SRGAP1: variants seen among roughly 807,000 people sequenced by gnomAD.
SRGAP1 encodes SLIT-ROBO Rho GTPase activating protein 1, also known as SLIT-ROBO Rho GTPase-activating protein 1.
SRGAP1 carries 43 observed loss-of-function variants against 121.9 expected under a neutral mutation model. The observed-to-expected ratio is 0.35, with a 90% confidence interval of 0.28 to 0.46. The LOEUF is 0.46. Among genes scored for constraint, SRGAP1 ranks in the 20% least tolerant of loss-of-function variants. The pLI, the probability that SRGAP1 is intolerant of heterozygous loss-of-function variation, is 1.00. For missense variants in SRGAP1, 1,102 were observed against 1,350.9 expected (o/e 0.82, Z 2.89); for synonymous variants, 447 against 485.4 (o/e 0.92, Z 1.04).
chr12:64,141,507 G>C (rs997599979), intron 21 of SRGAP1, among the ~76,000 whole-genome samples: 2 of 152,082 alleles, frequency 1.3e-5, no homozygotes, highest in Non-Finnish European at 2.9e-5. Flanking sequence ...TTGAACCCGG[G>C]AGGCAGAGGT....
At chr12:63,910,836 A>AAG (rs1331962606) in intron 1 of SRGAP1, among the ~76,000 whole-genome samples, 1 of 152,172 alleles carries the variant, frequency 6.6e-6, no homozygotes, top group Admixed American at 6.5e-5. Flanking sequence ...GGAACAGTGG[A>AAG]GAGGTCATCC....
At position 64,042,929 on chromosome 12, in the gene SRGAP1, A is replaced by G. The variant is rs2035053499; in HGVS notation, c.629A>G (p.Gln210Arg). ...VFHIRLEERHQRRSSVKKIEK... is the reference protein window; with the variant it reads ...VFHIRLEERHRRRSSVKKIEK... Reference sequence around the variant, plus strand: ...CATATTCGACTAGAGGAGAGACATCAACGGCGAAGCTCTGTAAAGAAAATT... The same window carrying G: ...CATATTCGACTAGAGGAGAGACATCGACGGCGAAGCTCTGTAAAGAAAATT... The change falls in exon 5 of 22, where the codon CAA becomes CGA. Residue 210 changes from glutamine (Q) to arginine (R), a missense_variant. Coordinates refer to ENST00000355086, the MANE Select transcript of SRGAP1 (RefSeq NM_020762.4). 6.2e-7 allele frequency: 1 copy of G among 1,613,848 alleles called. No homozygotes were observed. The highest frequency in any genetic ancestry group is 8.5e-7 in the Non-Finnish European group (1 of 1,179,928).
chr12:63,876,060 GTTTA>G (rs1900020019), intron 1 of SRGAP1, among the ~76,000 whole-genome samples: 1 of 152,112 alleles, frequency 6.6e-6, no homozygotes, highest in South Asian at 2.1e-4. Context: ...AAAAAAGTGT[GTTTA>G]TTTACATGAA....
intron 21 of SRGAP1, among the ~76,000 whole-genome samples, chr12:64,137,961 A>AAAATATATATAT (rs372355390): frequency 4.3e-5 from 6 of 139,678 alleles, no homozygotes; most frequent in African/African-American, 1.4e-4. Context: ...TTAAAAAAAA[A>AAAATATATATAT]ATATATATAT....
chr12:63,907,523 A>T (rs2136313020), intron 1 of SRGAP1, among the ~76,000 whole-genome samples: 1 of 152,062 alleles, frequency 6.6e-6, no homozygotes, highest in East Asian at 1.9e-4. Context: ...GGGCAACAAG[A>T]GGGAAACTCC....
chr12:64,068,975 A>C (rs965934436), intron 8 of SRGAP1, among the ~76,000 whole-genome samples: 2 of 149,372 alleles, frequency 1.3e-5, no homozygotes, highest in South Asian at 2.2e-4. Flanking sequence ...ATGCCACTGC[A>C]CTCCAGCCTG....
At chr12:63,919,146 G>A (rs185382716) in intron 1 of SRGAP1, among the ~76,000 whole-genome samples, 9 of 152,120 alleles carry the variant, frequency 5.9e-5, no homozygotes, top group South Asian at 4.2e-4. Context: ...TCCGCCTCAC[G>A]GATTGGAGTG....
Position 64,065,117 on chromosome 12 carries a change from GGT to G in SRGAP1, c.1027_1028del (p.Cys343ProfsTer31). ...GTAACTGGTTTCTCATTCTCCATCA[GGT>G]GTGCCAGGTCAGTGCCCAGCAGCCA... is the stretch of plus-strand genomic sequence containing the variant. ...FEFQSHMGDE[V>X]CQVSAQQPVQ... On this transcript the variant is annotated frameshift_variant and splice_region_variant, in exon 8 of 22. Coordinates refer to ENST00000355086, the MANE Select transcript of SRGAP1 (RefSeq NM_020762.4). LOFTEE classifies it high-confidence loss of function. 6.2e-7 allele frequency: 1 copy of G among 1,611,358 alleles called. No individual in the cohort carries two copies. Among genetic ancestry groups the G allele is most frequent in the South Asian group, 1.1e-5 (1 of 90,478 alleles).
chr12:64,114,419 A>G (rs1370150964), intron 17 of SRGAP1, among the ~76,000 whole-genome samples: 1 of 126,612 alleles, frequency 7.9e-6, no homozygotes, highest in Non-Finnish European at 1.5e-5. Context: ...GACTCACTGT[A>G]TTCCCACTGC....
At chr12:63,854,367 G>A (rs1394917615) in intron 1 of SRGAP1, among the ~76,000 whole-genome samples, 3 of 152,140 alleles carry the variant, frequency 2.0e-5, no homozygotes, top group African/African-American at 7.2e-5. Context: ...TTAAAAATTG[G>A]AATAGTAGTG....
At chr12:63,903,525 C>T (rs904115744) in intron 1 of SRGAP1, among the ~76,000 whole-genome samples, 5 of 151,718 alleles carry the variant, frequency 3.3e-5, no homozygotes, top group South Asian at 2.1e-4. Flanking sequence ...GGATAACAGG[C>T]GTGAGCCACC....
chr12:63,939,080 A>G (rs1338440055), intron 1 of SRGAP1, among the ~76,000 whole-genome samples: 1 of 150,694 alleles, frequency 6.6e-6, no homozygotes, highest in East Asian at 1.9e-4. Context: ...ACTTGAGTCC[A>G]GGAGATCAAG....
chr12:64,022,204 G>C (rs1297864554), intron 4 of SRGAP1, among the ~76,000 whole-genome samples: 2 of 152,098 alleles, frequency 1.3e-5, no homozygotes, highest in Middle Eastern at 3.2e-3. Flanking sequence ...ATAAGGAGTT[G>C]GCTCCCACAG....
At position 64,128,056 on chromosome 12, in the gene SRGAP1, G is replaced by T. The variant is rs1236048290; in HGVS notation, c.2736G>T (p.Arg912Ser). The T allele has an allele frequency of 3.7e-6, 6 of 1,614,134 alleles. No homozygotes were observed. The South Asian group carries it at 6.6e-5, about 18-fold the overall frequency. ...LNNDSPERRR[R>S]PGHGSLTNIS... is the part of the protein sequence containing the mutation. ...ATGACAGTCCTGAGCGGAGGCGCAGGCCTGGCCATGGCAGCCTGACCAACA... is the reference window on the plus strand; with the variant it reads ...ATGACAGTCCTGAGCGGAGGCGCAGTCCTGGCCATGGCAGCCTGACCAACA... Residue 912 changes from arginine to serine, a missense_variant, in exon 21 of 22, where the codon AGG becomes AGT. By Grantham distance (110) the Arg-to-Ser change is moderately radical. This residue lies in a region of SRGAP1 where 315 missense variants were observed against 343.1 expected (regional missense o/e 0.92). Coordinates refer to ENST00000355086, the MANE Select transcript of SRGAP1 (RefSeq NM_020762.4).
At chr12:64,023,023 GTAGT>G (rs2034581768) in intron 4 of SRGAP1, among the ~76,000 whole-genome samples, 1 of 152,146 alleles carries the variant, frequency 6.6e-6, no homozygotes, top group Admixed American at 6.5e-5. Context: ...AAAAACATTA[GTAGT>G]TAATGTTAGC....
intron 12 of SRGAP1, chr12:64,091,934 G>T (rs2036060642): frequency 6.5e-7 from 1 of 1,535,276 alleles, no homozygotes; most frequent in Admixed American, 2.0e-5. Context: ...CAGGTATAGT[G>T]CTAGAGGGAC....
At chr12:64,071,068 A>C (rs1225923490) in intron 8 of SRGAP1, among the ~76,000 whole-genome samples, 4 of 152,220 alleles carry the variant, frequency 2.6e-5, no homozygotes, top group Non-Finnish European at 5.9e-5. Context: ...GCTAACAGGA[A>C]AATCCTAAGT....
intron 1 of SRGAP1, among the ~76,000 whole-genome samples, chr12:63,881,105 G>A (rs930890502): frequency 2.6e-5 from 4 of 152,178 alleles, no homozygotes; most frequent in Admixed American, 6.6e-5. Context: ...GAAAGTGTCA[G>A]GGCCACACCT....
intron 1 of SRGAP1, among the ~76,000 whole-genome samples, chr12:63,871,073 C>A (rs1341594365): frequency 6.6e-6 from 1 of 152,172 alleles, no homozygotes; most frequent in Admixed American, 6.5e-5. Context: ...CCAGGTGAGA[C>A]TGATGCTGTA....
Sources: gnomAD v4.1 joint callset for allele counts (sites outside exome capture counted in the v4.1 genomes callset) on GRCh38, gnomAD v4.1.1 for gene constraint, gnomAD v4.1.1 regional missense constraint, MANE v1.5 for transcripts, NCBI Gene and HGNC (gene_info 2026-07-23, HGNC 2026-07-21) for gene names.